Variants in GALNT13 observed in about 807,000 individuals in gnomAD.
GALNT13 encodes the protein polypeptide N-acetylgalactosaminyltransferase 13, also known as UDP-GalNAc:polypeptide N-acetylgalactosaminyltransferase 13.
In GALNT13, 28 loss-of-function variants were observed where a neutral mutation model predicts 64.2. That is an observed-to-expected ratio of 0.44 (90% CI 0.32 to 0.60). The LOEUF (loss-of-function observed/expected upper bound fraction) is 0.60. Ranked by LOEUF, GALNT13 falls within the 20% of genes least tolerant of loss-of-function variation. The pLI, the probability that GALNT13 is intolerant of heterozygous loss-of-function variation, is 0.05. For missense variants in GALNT13, 577 were observed against 669.8 expected (o/e 0.86, Z 1.53); for synonymous variants, 214 against 224.6 (o/e 0.95, Z 0.42).
Position 154,392,105 on chromosome 2 carries a change from A to G in GALNT13, c.1157-3886A>G, listed in dbSNP as rs772768037. On this transcript the variant is annotated intron_variant, in intron 9 of 12. Coordinates refer to ENST00000392825, the MANE Select transcript of GALNT13 (RefSeq NM_052917.4). Reference sequence around the variant, plus strand: ...GATGTTTGAAGAAATGTAAAGAATGAAAAAAAGTGGGGCTAGAATGAAGAT... The same window carrying G: ...GATGTTTGAAGAAATGTAAAGAATGGAAAAAAGTGGGGCTAGAATGAAGAT... 5.9e-5 allele frequency among the ~76,000 whole-genome samples: 9 copies of G among 152,276 alleles called. 1 individual carries two copies. The South Asian group carries it at 8.3e-4, about 14-fold the overall frequency.
At chr2:153,963,224 T>C (rs965440693) in intron 3 of GALNT13, among the ~76,000 whole-genome samples, 10 of 152,202 alleles carry the variant, frequency 6.6e-5, no homozygotes, top group African/African-American at 2.4e-4. Context: ...GAGGTCTCAC[T>C]ATCTAAACAC....
At chr2:154,195,182 TA>T (rs1288348025) in intron 4 of GALNT13, among the ~76,000 whole-genome samples, 7 of 152,136 alleles carry the variant, frequency 4.6e-5, no homozygotes, top group African/African-American at 7.2e-5. Flanking sequence ...TACATCATCT[TA>T]AAGATGACTA....
chr2:153,363,309 A>G, the GALNT13 span, among the ~76,000 whole-genome samples: 2 of 152,128 alleles, frequency 1.3e-5, no homozygotes, highest in African/African-American at 4.8e-5. Context: ...ACACCCTAAC[A>G]TTGCAATGAA....
chr2:154,061,313 A>T (rs1294740172), intron 3 of GALNT13, among the ~76,000 whole-genome samples: 1 of 152,120 alleles, frequency 6.6e-6, no homozygotes, highest in Non-Finnish European at 1.5e-5. Context: ...TGTAAATACC[A>T]AGTCTAGTGT....
intron 7 of GALNT13, among the ~76,000 whole-genome samples, chr2:154,254,051 C>T (rs1423853304): frequency 6.6e-6 from 1 of 151,958 alleles, no homozygotes; most frequent in Non-Finnish European, 1.5e-5. Context: ...AGCAGGGGGA[C>T]GGGGCAGTGG....
At chr2:153,208,997 G>GTTTTTTTTTTTTTTTTTTTTTTTT in the GALNT13 span, among the ~76,000 whole-genome samples, 1 of 16,926 alleles carries the variant, frequency 5.9e-5, no homozygotes, top group Admixed American at 5.8e-4. Context: ...TTTTTTTTTT[G>GTTTTTTTTTTTTTTTTTTTTTTTT]AGACGGAGTC....
At chr2:153,308,865 T>C in the GALNT13 span, among the ~76,000 whole-genome samples, 1 of 152,126 alleles carries the variant, frequency 6.6e-6, no homozygotes, top group African/African-American at 2.4e-5. Flanking sequence ...AATTGGAATA[T>C]GTTTAAAGAG....
chr2:153,527,460 A>G, the GALNT13 span, among the ~76,000 whole-genome samples: 6 of 152,106 alleles, frequency 3.9e-5, no homozygotes, highest in African/African-American at 1.4e-4. Flanking sequence ...AATGAGAAAT[A>G]CTTTCCCAGA....
At chr2:154,276,292 T>C (rs1317140281) in intron 8 of GALNT13, among the ~76,000 whole-genome samples, 1 of 152,118 alleles carries the variant, frequency 6.6e-6, no homozygotes, top group Non-Finnish European at 1.5e-5. Context: ...CAATCTCAGC[T>C]CACTGCAACC....
the GALNT13 span, among the ~76,000 whole-genome samples, chr2:153,337,940 C>T: frequency 6.6e-6 from 1 of 152,006 alleles, no homozygotes; most frequent in Non-Finnish European, 1.5e-5. Flanking sequence ...AATGGCTGAC[C>T]ATTATAAAGT....
At chr2:153,651,255 C>A in the GALNT13 span, among the ~76,000 whole-genome samples, 290 of 151,948 alleles carry the variant, frequency 1.9e-3, 2 homozygotes, top group Non-Finnish European at 1.7e-3. Flanking sequence ...TGATAGGGAC[C>A]AAAAGTGAGA....
At chr2:153,193,173 A>T in the GALNT13 span, among the ~76,000 whole-genome samples, 1 of 151,994 alleles carries the variant, frequency 6.6e-6, no homozygotes, top group Non-Finnish European at 1.5e-5. Context: ...GGCATTATTC[A>T]CAATAGCAAA....
the GALNT13 span, among the ~76,000 whole-genome samples, chr2:153,355,515 T>C: frequency 6.6e-6 from 1 of 152,190 alleles, no homozygotes; most frequent in South Asian, 2.1e-4. Context: ...GCCCATGGCA[T>C]AGTGTCTTAT....
At chr2:153,726,114 G>T in the GALNT13 span, among the ~76,000 whole-genome samples, 7 of 152,146 alleles carry the variant, frequency 4.6e-5, no homozygotes, top group African/African-American at 1.7e-4. Context: ...TATTTGGAAT[G>T]GCTTTTATAG....
At chr2:153,224,291 C>T in the GALNT13 span, among the ~76,000 whole-genome samples, 1 of 149,158 alleles carries the variant, frequency 6.7e-6, no homozygotes, top group Non-Finnish European at 1.5e-5. Flanking sequence ...CAGATGGGAA[C>T]AATAGACACT....
chr2:154,333,456 A>C (rs768167269), intron 9 of GALNT13, among the ~76,000 whole-genome samples: 1 of 152,068 alleles, frequency 6.6e-6, no homozygotes, highest in Non-Finnish European at 1.5e-5. Context: ...AGAAAGCTTT[A>C]TTCTTTGAAA....
the GALNT13 span, among the ~76,000 whole-genome samples, chr2:153,640,515 A>T: frequency 6.6e-6 from 1 of 152,164 alleles, no homozygotes; most frequent in African/African-American, 2.4e-5. Flanking sequence ...ATGGTGGCTC[A>T]TACCTGTAAT....
At chr2:153,975,477 C>A (rs1012867892) in intron 3 of GALNT13, among the ~76,000 whole-genome samples, 1 of 152,018 alleles carries the variant, frequency 6.6e-6, no homozygotes. Flanking sequence ...TTTTCATTTG[C>A]CCAAATTGCA....
chr2:153,565,606 A>AT, the GALNT13 span, among the ~76,000 whole-genome samples: 5 of 151,982 alleles, frequency 3.3e-5, no homozygotes, highest in African/African-American at 4.8e-5. Context: ...TTATGAAACC[A>AT]TTTTTTTCTC....
Sources: gnomAD v4.1 joint callset for allele counts (sites outside exome capture counted in the v4.1 genomes callset) on GRCh38, gnomAD v4.1.1 for gene constraint, MANE v1.5 for transcripts, NCBI Gene and HGNC (gene_info 2026-07-23, HGNC 2026-07-21) for gene names.